NUDCD2: variants seen among roughly 807,000 people sequenced by gnomAD.
NUDCD2 encodes nudC domain-containing protein 2.
Under a neutral mutation model 20.8 loss-of-function variants are expected in NUDCD2, and 16 were observed. That is an observed-to-expected ratio of 0.77 (90% CI 0.52 to 1.17). NUDCD2 has a LOEUF of 1.17. NUDCD2 is among the 50% of genes most tolerant of loss of function. The probability of loss-of-function intolerance (pLI) is 0.00; values close to 1 mark genes in which losing one functional copy is unlikely to be tolerated. For synonymous variants in NUDCD2, 87 were observed against 72.8 expected (o/e 1.20, Z -1.00); for missense variants, 199 against 193.9 (o/e 1.03, Z -0.16).
chr5:163,457,704 C>A, intron 1 of NUDCD2, 94 bp from the exon 2 acceptor site: 1 of 770,252 alleles, frequency 1.3e-6, no homozygotes, highest in South Asian at 1.5e-5. Context: ...ACCTAATCCA[C>A]ATCTTATACC....
rs1241641239 is a variant in NUDCD2 at position 163,448,480 on chromosome 5, T to TA, written c.*5486dup. Reference sequence around the variant, plus strand: ...TTGAAAGGCATACAGTACCCAAACTTAAATAAACCTCAATAAATTCTCTAT... The same window carrying TA: ...TTGAAAGGCATACAGTACCCAAACTTAAAATAAACCTCAATAAATTCTCTAT... On this transcript the variant is annotated 3_prime_UTR_variant, in exon 4 of 4. Transcript: ENST00000302764. 6.6e-6 allele frequency: 1 copy of TA among 152,112 alleles called. No homozygotes were observed. The highest frequency in any genetic ancestry group is 1.5e-5 in the Non-Finnish European group (1 of 68,020). The allele number at this position is 152,112 out of a possible 1,614,324, so 9.4% of individuals were successfully genotyped here. A position where few individuals can be genotyped will look rare whatever the true frequency, so the allele number is the denominator to read the frequency against.
chr5:163,453,097 A>G lies in NUDCD2; in HGVS notation c.*870T>C, dbSNP rs995299256. ...AGATAGTAATCAGTAATGAGGAATC[A>G]TGTCTTCAACTAAATCACAAATGGT... On this transcript the variant is annotated 3_prime_UTR_variant, in exon 4 of 4. Transcript: ENST00000302764. 1.8e-4 allele frequency: 28 copies of G among 152,248 alleles called. No homozygotes were observed. The highest frequency in any genetic ancestry group is 1.4e-3 in the Admixed American group (22 of 15,290). 9.4% of individuals were successfully genotyped at this position (152,248 alleles called of 1,614,324 possible). A position where few individuals can be genotyped will look rare whatever the true frequency, so the allele number is the denominator to read the frequency against.
chr5:163,456,799 T>C, intron 3 of NUDCD2, 130 bp downstream of exon 3: 1 of 731,820 alleles, frequency 1.4e-6, no homozygotes, highest in African/African-American at 1.8e-5. Context: ...TTTCTAACAA[T>C]TCACTTTAAA....
At chr5:163,457,187 A>G in intron 2 of NUDCD2, 107 bp from the exon 3 acceptor site, 1 of 1,193,374 alleles carries the variant, frequency 8.4e-7, no homozygotes, top group South Asian at 1.7e-5. Flanking sequence ...GCTGGAGTGC[A>G]GCGGCTTGAT....
rs1758115171 is a variant in NUDCD2 at position 163,449,133 on chromosome 5, C to T, written c.*4834G>A. 9 of 152,124 alleles carry T rather than the reference C, an allele frequency of 5.9e-5. No individual in the cohort carries two copies. The highest frequency in any genetic ancestry group is 5.9e-4 in the Admixed American group (9 of 15,266). 9.4% of individuals were successfully genotyped at this position (152,124 alleles called of 1,614,324 possible). A position where few individuals can be genotyped will look rare whatever the true frequency, so the allele number is the denominator to read the frequency against. ...TAAAAAGAATAAAATAAAACTGTTCCTATTCGTAGTTTATGTAGAAAACTT... is the reference window on the plus strand; with the variant it reads ...TAAAAAGAATAAAATAAAACTGTTCTTATTCGTAGTTTATGTAGAAAACTT... On this transcript the variant is annotated 3_prime_UTR_variant, in exon 4 of 4. Coordinates refer to ENST00000302764, the MANE Select transcript of NUDCD2 (RefSeq NM_145266.6).
chr5:163,459,842 A>T lies in NUDCD2; in HGVS notation c.189+20T>A. On this transcript the variant is annotated intron_variant, in intron 1 of 3. Transcript: ENST00000302764. ...CGTCTGGGAAGAGGAAACTGAACAC[A>T]AGCCCCGAGCTGCCGCTACCTTGAG... 1 of 1,579,898 alleles carries T rather than the reference A, an allele frequency of 6.3e-7. No homozygotes were observed. Among genetic ancestry groups the T allele is most frequent in the Non-Finnish European group, 8.6e-7 (1 of 1,164,338 alleles).
intron 2 of NUDCD2, 50 bp downstream of exon 2, chr5:163,457,512 T>C (rs546303405): frequency 9.3e-7 from 1 of 1,073,076 alleles, no homozygotes; most frequent in South Asian, 1.3e-5. Context: ...GAGGAAAAGA[T>C]ATCAAGACAA....
chr5:163,453,096 C>A lies in NUDCD2; in HGVS notation c.*871G>T, dbSNP rs1375155525. ...CAGATAGTAATCAGTAATGAGGAAT[C>A]ATGTCTTCAACTAAATCACAAATGG... On this transcript the variant is annotated 3_prime_UTR_variant, in exon 4 of 4. Coordinates refer to ENST00000302764, the MANE Select transcript of NUDCD2 (RefSeq NM_145266.6). 1 of 152,132 alleles carries A rather than the reference C, an allele frequency of 6.6e-6. No homozygotes were observed. The highest frequency in any genetic ancestry group is 1.5e-5 in the Non-Finnish European group (1 of 68,020). 9.4% of individuals were successfully genotyped at this position (152,132 alleles called of 1,614,324 possible).
intron 2 of NUDCD2, 56 bp from the exon 3 acceptor site, chr5:163,457,136 G>C: frequency 7.3e-7 from 1 of 1,372,802 alleles, no homozygotes; most frequent in Non-Finnish European, 9.7e-7. Context: ...TCTTCATCAA[G>C]TTGTTTTTTT....
rs906436676 is a variant in NUDCD2, at chr5:163,453,552, A to G, written c.*415T>C. ...GCACTATAATTTTGTGTGAATTGTT[A>G]TACTTAGACAAAGGGGTACACAATT... On this transcript the variant is annotated 3_prime_UTR_variant, in exon 4 of 4. Transcript: ENST00000302764. The G allele has an allele frequency of 6.5e-6, 1 of 152,864 alleles. No homozygotes were observed. The highest frequency in any genetic ancestry group is 1.5e-5 in the Non-Finnish European group (1 of 68,200). 9.5% of individuals were successfully genotyped at this position (152,864 alleles called of 1,614,324 possible).
intron 3 of NUDCD2, 43 bp from the exon 4 acceptor site, chr5:163,454,093 G>T: frequency 9.5e-7 from 1 of 1,056,290 alleles, no homozygotes; most frequent in African/African-American, 1.7e-5. Flanking sequence ...AAACTTATAA[G>T]GAAAAATACA....
chr5:163,457,123 A>C, intron 2 of NUDCD2, 43 bp from the exon 3 acceptor site: 1 of 1,506,568 alleles, frequency 6.6e-7, no homozygotes, highest in South Asian at 1.3e-5. Context: ...AATAAATTAG[A>C]GTTCTTCATC....
rs575641598 is a variant in NUDCD2, at chr5:163,459,749, TTC to T, written c.189+111_189+112del. On this transcript the variant is annotated intron_variant, in intron 1 of 3. Transcript: ENST00000302764. ...CCAAACCTGGTCAGTGTTATCCTCT[TTC>T]TCTTTCTGCCAGCCACAGGAGCCGT... 276 of 915,946 alleles carry T rather than the reference TTC, an allele frequency of 3.0e-4. 1 individual carries two copies. Among genetic ancestry groups the T allele is most frequent in the African/African-American group, 2.5e-3 (147 of 59,492 alleles). The allele number at this position is 915,946 out of a possible 1,614,324, so 56.7% of individuals were successfully genotyped here.
chr5:163,447,177 G>C lies in NUDCD2; in HGVS notation c.*6790C>G, dbSNP rs1415485404. 6.6e-6 allele frequency: 1 copy of C among 152,400 alleles called. No individual in the cohort carries two copies. The highest frequency in any genetic ancestry group is 2.4e-5 in the African/African-American group (1 of 41,414). 9.4% of individuals were successfully genotyped at this position (152,400 alleles called of 1,614,324 possible). On this transcript the variant is annotated 3_prime_UTR_variant, in exon 4 of 4. Transcript: ENST00000302764. ...AAAATACATGAAGAGACCAGGTACA[G>C]AGACTCATTCATTCCTGTAATTCCA...
chr5:163,449,092 A>C lies in NUDCD2; in HGVS notation c.*4875T>G, dbSNP rs1209601784. 1.3e-5 allele frequency: 2 copies of C among 152,258 alleles called. No homozygotes were observed. Among genetic ancestry groups the C allele is most frequent in the African/African-American group, 4.8e-5 (2 of 41,476 alleles). 9.4% of individuals were successfully genotyped at this position (152,258 alleles called of 1,614,324 possible). A position where few individuals can be genotyped will look rare whatever the true frequency, so the allele number is the denominator to read the frequency against. On this transcript the variant is annotated 3_prime_UTR_variant, in exon 4 of 4. Transcript: ENST00000302764. Reference sequence around the variant, plus strand: ...ATTGTTCTGGCCACTGCAATCAGGCAAGAAAAATCATAGACTAAAAAGAAT... The same window carrying C: ...ATTGTTCTGGCCACTGCAATCAGGCCAGAAAAATCATAGACTAAAAAGAAT...
At chr5:163,457,139 GTT>G (rs34746227) in intron 2 of NUDCD2, 59 bp from the exon 3 acceptor site, 1,397 of 1,198,208 alleles carry the variant, frequency 1.2e-3, no homozygotes, top group South Asian at 3.0e-3. Flanking sequence ...TCATCAAGTT[GTT>G]TTTTTTTTTT....
chr5:163,459,997 C>T lies in NUDCD2; in HGVS notation c.54G>A (p.Trp18Ter). 6.2e-7 allele frequency: 1 copy of T among 1,613,200 alleles called. No homozygotes were observed. The highest frequency in any genetic ancestry group is 1.1e-5 in the South Asian group (1 of 91,048). ...CCTCCAAGGTCTGGTACCACTGGCC[C>T]CACGGGGTCCCGCACGGTACCACCC... is the stretch of plus-strand genomic sequence containing the variant. ...RSGVVPCGTPWGQWYQTLEEV... is the reference protein window; with the variant it reads ...RSGVVPCGTP The change falls in exon 1 of 4, where the codon TGG becomes TGA. Residue 18 changes from tryptophan to a stop codon, truncating the protein, a stop_gained. Coordinates refer to ENST00000302764, the MANE Select transcript of NUDCD2 (RefSeq NM_145266.6). LOFTEE classifies it high-confidence loss of function.
chr5:163,449,616 T>C lies in NUDCD2; in HGVS notation c.*4351A>G, dbSNP rs1163563235. ...GAAACTAAATTAGCCAAAACAATTT[T>C]GAAAAAGATTTCAAAAAAATTTTGA... On this transcript the variant is annotated 3_prime_UTR_variant, in exon 4 of 4. Transcript: ENST00000302764. The C allele has an allele frequency of 6.6e-6, 1 of 152,186 alleles. No individual in the cohort carries two copies. The highest frequency in any genetic ancestry group is 2.4e-5 in the African/African-American group (1 of 41,452). 9.4% of individuals were successfully genotyped at this position (152,186 alleles called of 1,614,324 possible). A position where few individuals can be genotyped will look rare whatever the true frequency, so the allele number is the denominator to read the frequency against.
At position 163,454,021 on chromosome 5, in the gene NUDCD2, T is replaced by C; in HGVS notation, c.420A>G (p.Glu140=). The change falls in exon 4 of 4, where the codon GAA becomes GAG. Residue 140 remains glutamate (E), a synonymous_variant. Coordinates refer to ENST00000302764, the MANE Select transcript of NUDCD2 (RefSeq NM_145266.6). ...CACCTTTAGTGTAGTTTCCTGAGAT[T>C]TCTGCTCCACTGAAGTCAAAACCAG... ...ENPGFDFSGA[E]ISGNYTKGGP... is the part of the protein sequence containing the mutation. 1 of 1,559,080 alleles carries C rather than the reference T, an allele frequency of 6.4e-7. No homozygotes were observed. Among genetic ancestry groups the C allele is most frequent in the South Asian group, 1.2e-5 (1 of 81,618 alleles).
Sources: allele counts gnomAD v4.1 joint callset, GRCh38; gene constraint gnomAD v4.1.1; transcripts MANE v1.5; gene names NCBI Gene and HGNC (gene_info 2026-07-23, HGNC 2026-07-21).